EPB41: variants seen among roughly 807,000 people sequenced by gnomAD.
EPB41 encodes the protein erythrocyte membrane protein band 4.1.
Under a neutral mutation model 108.0 loss-of-function variants are expected in EPB41, and 65 were observed. That is an observed-to-expected ratio of 0.60 (90% CI 0.49 to 0.74). The LOEUF is 0.74. Ranked by LOEUF, EPB41 falls within the 30% of genes least tolerant of loss-of-function variation. The probability of loss-of-function intolerance (pLI) is 0.00; values close to 1 mark genes in which losing one functional copy is unlikely to be tolerated. For synonymous variants in EPB41, 336 were observed against 358.9 expected, an observed-to-expected ratio of 0.94 and a Z score of 0.72; for missense variants, 875 against 1,037.0, an observed-to-expected ratio of 0.84 and a Z score of 2.15.
At chr1:28,931,037 A>G (rs886963759) in intron 1 of EPB41, among the ~76,000 whole-genome samples, 1 of 152,180 alleles carries the variant, frequency 6.6e-6, no homozygotes, top group Non-Finnish European at 1.5e-5. Flanking sequence ...AAAATTATGA[A>G]TACAAAACTA....
At chr1:28,968,247 C>T (rs1303777079) in intron 1 of EPB41, among the ~76,000 whole-genome samples, 2 of 151,606 alleles carry the variant, frequency 1.3e-5, no homozygotes, top group Admixed American at 6.6e-5. Context: ...CCCAGCTACT[C>T]GGGAGGCTGA....
chr1:29,028,418 G>A (rs2096748808), intron 7 of EPB41, among the ~76,000 whole-genome samples: 1 of 152,196 alleles, frequency 6.6e-6, no homozygotes, highest in Non-Finnish European at 1.5e-5. Flanking sequence ...CTATAAAGCA[G>A]TTTTACAACC....
intron 1 of EPB41, among the ~76,000 whole-genome samples, chr1:28,951,975 A>G (rs1213360242): frequency 1.3e-5 from 2 of 152,204 alleles, no homozygotes; most frequent in Non-Finnish European, 2.9e-5. Context: ...CTTGATTTCA[A>G]TCTATGGAGA....
At chr1:29,019,597 A>T (rs1399809335) in intron 7 of EPB41, among the ~76,000 whole-genome samples, 16 of 152,186 alleles carry the variant, frequency 1.1e-4, no homozygotes. Flanking sequence ...CGTTAGCATG[A>T]GTTAGGTTGC....
chr1:29,112,242 C>T (rs1351918300), intron 18 of EPB41, 126 bp from the exon 19 acceptor site: 1 of 749,684 alleles, frequency 1.3e-6, no homozygotes, highest in South Asian at 1.5e-5. Context: ...CGCAAGCATT[C>T]CTCCTATCTC....
chr1:28,947,420 A>C (rs375892719), intron 1 of EPB41, among the ~76,000 whole-genome samples: 14 of 98,796 alleles, frequency 1.4e-4, no homozygotes, highest in Admixed American at 8.3e-4. Context: ...CAAACAAACA[A>C]ACAAACAAAC....
At chr1:29,100,384 T>C (rs2503021) in intron 17 of EPB41, among the ~76,000 whole-genome samples, 109,523 of 139,096 alleles carry the variant, frequency 0.79, 44,131 homozygotes, top group Non-Finnish European at 0.87. Context: ...ATCGCTTGAA[T>C]CTGGGAGGCG....
rs200002653 is a variant in EPB41, at chr1:29,045,714, TATA to T, written c.1636+6291_1636+6293del. On this transcript the variant is annotated intron_variant, in intron 11 of 20. Transcript: ENST00000343067. ...TTGGCTGGTTGCAGTGCCTCATGCCTATAATCCCAGTACTTTGGGAGGCCAAGG... is the reference window on the plus strand; with the variant it reads ...TTGGCTGGTTGCAGTGCCTCATGCCTATCCCAGTACTTTGGGAGGCCAAGG... Among the ~76,000 whole-genome samples, 8 of 148,754 alleles carry T rather than the reference TATA, an allele frequency of 5.4e-5. 1 individual carries two copies. The East Asian group carries it at 1.6e-3, about 30-fold the overall frequency.
chr1:29,046,120 T>A lies in EPB41; in HGVS notation c.1636+6694T>A, dbSNP rs181345009. ...TAATCTTACTAAAAAAATTTTTTTT[T>A]AATTTAATTTTATTTTTTTTTTGAG... On this transcript the variant is annotated intron_variant, in intron 11 of 20. Transcript: ENST00000343067. Among the ~76,000 whole-genome samples, 605 of 152,112 alleles carry A rather than the reference T, an allele frequency of 4.0e-3. 2 individuals carry two copies. Among genetic ancestry groups the A allele is most frequent in the African/African-American group, 0.014 (561 of 41,548 alleles).
chr1:29,007,562 A>G (rs905078348), intron 4 of EPB41, among the ~76,000 whole-genome samples: 1 of 152,154 alleles, frequency 6.6e-6, no homozygotes, highest in African/African-American at 2.4e-5. Flanking sequence ...AACTCATTGC[A>G]TTTTGATTTC....
chr1:29,051,088 G>GTTTTTTT (rs71586885), intron 11 of EPB41, among the ~76,000 whole-genome samples: 8 of 51,584 alleles, frequency 1.6e-4, no homozygotes, highest in Non-Finnish European at 2.3e-4. Context: ...TTCTTTTTCT[G>GTTTTTTT]TTTTTTTTTT....
intron 1 of EPB41, among the ~76,000 whole-genome samples, chr1:28,975,990 C>T (rs1190547155): frequency 2.0e-5 from 3 of 147,004 alleles, no homozygotes; most frequent in Admixed American, 6.8e-5. Flanking sequence ...TGTACATGGG[C>T]GGGGAACTTG....
chr1:28,938,471 ATTTT>A (rs1434668597), intron 1 of EPB41, among the ~76,000 whole-genome samples: 1 of 151,660 alleles, frequency 6.6e-6, no homozygotes, highest in Non-Finnish European at 1.5e-5. Context: ...GCTAAATGGA[ATTTT>A]TTAAGTTATA....
chr1:29,104,072 A>G (rs1558318559), intron 17 of EPB41, among the ~76,000 whole-genome samples: 1 of 152,172 alleles, frequency 6.6e-6, no homozygotes, highest in African/African-American at 2.4e-5. Flanking sequence ...CCCTGTCACT[A>G]GTGTGCAGTC....
chr1:29,108,179 G>A (rs1220861020), intron 17 of EPB41, among the ~76,000 whole-genome samples: 3 of 133,988 alleles, frequency 2.2e-5, no homozygotes, highest in Non-Finnish European at 4.7e-5. Flanking sequence ...ACAGAATTTC[G>A]CTCTTGTTGC....
intron 1 of EPB41, among the ~76,000 whole-genome samples, chr1:28,955,147 C>T (rs1045841124): frequency 9.2e-5 from 14 of 152,224 alleles, no homozygotes; most frequent in South Asian, 2.1e-4. Flanking sequence ...TTGTTACTAG[C>T]GTTACCACTT....
chr1:28,998,747 A>G (rs2096239055), intron 4 of EPB41, among the ~76,000 whole-genome samples: 1 of 152,204 alleles, frequency 6.6e-6, no homozygotes, highest in Admixed American at 6.5e-5. Context: ...TTGTACTAGT[A>G]AATATAGCTA....
chr1:29,028,777 C>CA (rs1228830266), intron 7 of EPB41, among the ~76,000 whole-genome samples: 2 of 152,166 alleles, frequency 1.3e-5, no homozygotes, highest in Non-Finnish European at 2.9e-5. Context: ...AGTGGTGGCT[C>CA]ACGCTTGTAA....
chr1:28,993,480 C>T lies in EPB41; in HGVS notation c.619C>T (p.His207Tyr), dbSNP rs1297054765. ...LKASQKPIRKHRNMHCKVSLL... is the reference protein window; with the variant it reads ...LKASQKPIRKYRNMHCKVSLL... Reference sequence around the variant, plus strand: ...AGCTTCCCAAAAACCAATCAGAAAACACAGGAACATGCACTGCAAGGTTTC... The same window carrying T: ...AGCTTCCCAAAAACCAATCAGAAAATACAGGAACATGCACTGCAAGGTTTC... Residue 207 changes from histidine (H) to tyrosine (Y), a missense_variant, in exon 3 of 21, where the codon CAC becomes TAC. Coordinates refer to ENST00000343067, the MANE Select transcript of EPB41 (RefSeq NM_001376013.1). The T allele has an allele frequency of 6.2e-7, 1 of 1,614,016 alleles. No homozygotes were observed. The highest frequency in any genetic ancestry group is 8.5e-7 in the Non-Finnish European group (1 of 1,179,998).
Sources: allele counts gnomAD v4.1 joint callset (sites outside exome capture counted in the v4.1 genomes callset), GRCh38; gene constraint gnomAD v4.1.1; transcripts MANE v1.5; gene names NCBI Gene and HGNC (gene_info 2026-07-23, HGNC 2026-07-21).